The following GALNTL6 variants were observed in gnomAD, a reference collection of about 807,000 sequenced individuals.
GALNTL6 encodes polypeptide N-acetylgalactosaminyltransferase-like 6.
GALNTL6 carries 46 observed loss-of-function variants against 73.7 expected under a neutral mutation model. That is an observed-to-expected ratio of 0.62 (90% confidence interval 0.49 to 0.80). The LOEUF is 0.80. Among genes scored for constraint, GALNTL6 ranks in the 30% least tolerant of loss-of-function variants. GALNTL6 has a pLI of 0.00. For synonymous variants in GALNTL6, 259 were observed against 263.7 expected, an observed-to-expected ratio of 0.98 and a Z score of 0.17; for missense variants, 604 against 755.0, an observed-to-expected ratio of 0.80 and a Z score of 2.34.
At chr4:172,482,289 C>T (rs1004150404) in intron 5 of GALNTL6, among the ~76,000 whole-genome samples, 1 of 152,238 alleles carries the variant, frequency 6.6e-6, no homozygotes, top group African/African-American at 2.4e-5. Flanking sequence ...GGAGCTGGCT[C>T]CAGCCTCCGA....
At chr4:171,928,030 T>C (rs1003220709) in intron 2 of GALNTL6, among the ~76,000 whole-genome samples, 1 of 152,178 alleles carries the variant, frequency 6.6e-6, no homozygotes, top group Non-Finnish European at 1.5e-5. Context: ...AATGACTCAG[T>C]AGCCTCTCAA....
intron 5 of GALNTL6, among the ~76,000 whole-genome samples, chr4:172,360,588 C>A (rs1384283516): frequency 1.3e-5 from 2 of 152,122 alleles, no homozygotes; most frequent in African/African-American, 4.8e-5. Context: ...GACCACAGAA[C>A]TGATGATTGA....
At chr4:172,501,578 T>A (rs1381066369) in intron 5 of GALNTL6, among the ~76,000 whole-genome samples, 1 of 152,146 alleles carries the variant, frequency 6.6e-6, no homozygotes, top group East Asian at 1.9e-4. Flanking sequence ...ACACTGAAGT[T>A]GCTAAGTATG....
chr4:172,460,796 G>A (rs1732582282), intron 5 of GALNTL6, among the ~76,000 whole-genome samples: 1 of 152,200 alleles, frequency 6.6e-6, no homozygotes, highest in Non-Finnish European at 1.5e-5. Context: ...AACTATTGTG[G>A]AAGACAGTGT....
At chr4:171,980,435 G>T (rs1739861944) in intron 2 of GALNTL6, among the ~76,000 whole-genome samples, 1 of 152,134 alleles carries the variant, frequency 6.6e-6, no homozygotes, top group African/African-American at 2.4e-5. Context: ...TTAAAGAGGA[G>T]ATGGAGAAAT....
At chr4:172,732,094 G>A (rs1376459715) in intron 5 of GALNTL6, among the ~76,000 whole-genome samples, 3 of 151,972 alleles carry the variant, frequency 2.0e-5, no homozygotes, top group African/African-American at 7.2e-5. Flanking sequence ...TTTCCTTGTT[G>A]ATTTTGTGTC....
At chr4:171,988,633 C>T (rs922446179) in intron 2 of GALNTL6, among the ~76,000 whole-genome samples, 6 of 152,178 alleles carry the variant, frequency 3.9e-5, no homozygotes, top group South Asian at 2.1e-4. Flanking sequence ...AGATTCTGAA[C>T]TAACCTGTAA....
intron 3 of GALNTL6, among the ~76,000 whole-genome samples, chr4:172,257,548 G>C (rs942778433): frequency 1.3e-5 from 2 of 151,320 alleles, no homozygotes; most frequent in Admixed American, 1.3e-4. Flanking sequence ...CATAGGTTTT[G>C]AGTGGTCTTT....
intron 2 of GALNTL6, among the ~76,000 whole-genome samples, chr4:171,834,947 G>A (rs987262289): frequency 4.6e-5 from 7 of 151,962 alleles, no homozygotes; most frequent in African/African-American, 1.7e-4. Context: ...TTAGCCACAA[G>A]CCACAATATT....
intron 5 of GALNTL6, among the ~76,000 whole-genome samples, chr4:172,615,292 C>A (rs28409064): frequency 0.37 from 56,013 of 151,570 alleles, 11,399 homozygotes; most frequent in African/African-American, 0.52. Context: ...ACATTATATA[C>A]CTCTTATTGT....
chr4:172,615,189 TAA>T lies in GALNTL6; in HGVS notation c.554-194158_554-194157del, dbSNP rs34080019. On this transcript the variant is annotated intron_variant, in intron 5 of 12. Transcript: ENST00000506823. ...CATGCTGTTAATAAGGCAGGTAGTT[TAA>T]AAAAAAAAAAAAAGACTAGTCTAAT... Among the ~76,000 whole-genome samples the T allele has an allele frequency of 4.6e-4, 67 of 147,032 alleles. No individual in the cohort carries two copies. The East Asian group carries it at 8.7e-3, about 19-fold the overall frequency.
chr4:172,374,353 C>G (rs962933908), intron 5 of GALNTL6, among the ~76,000 whole-genome samples: 12 of 152,104 alleles, frequency 7.9e-5, no homozygotes, highest in African/African-American at 2.9e-4. Flanking sequence ...TTAATAATGC[C>G]TCCAAATTTT....
intron 2 of GALNTL6, among the ~76,000 whole-genome samples, chr4:171,917,811 A>G (rs57114629): frequency 0.019 from 2,820 of 152,216 alleles, 60 homozygotes; most frequent in African/African-American, 0.052. Context: ...AAGTGGAATT[A>G]CTGGCATGGT....
intron 2 of GALNTL6, among the ~76,000 whole-genome samples, chr4:172,101,507 C>T (rs1732519123): frequency 1.3e-5 from 2 of 152,138 alleles, no homozygotes. Flanking sequence ...TTACTGGTAT[C>T]TTATTTTGCA....
intron 5 of GALNTL6, among the ~76,000 whole-genome samples, chr4:172,477,118 G>T (rs959910197): frequency 6.6e-6 from 1 of 150,490 alleles, no homozygotes; most frequent in Non-Finnish European, 1.5e-5. Context: ...CTAGAGATGG[G>T]GTTTCACTGT....
At chr4:172,617,773 G>A (rs28478040) in intron 5 of GALNTL6, among the ~76,000 whole-genome samples, 55,007 of 151,990 alleles carry the variant, frequency 0.36, 10,998 homozygotes, top group African/African-American at 0.51. Context: ...GAGCCACCGT[G>A]CCCAGCCTTA....
intron 8 of GALNTL6, among the ~76,000 whole-genome samples, chr4:172,899,902 C>T (rs1432800509): frequency 6.6e-6 from 1 of 152,054 alleles, no homozygotes; most frequent in Non-Finnish European, 1.5e-5. Flanking sequence ...GGGAGTGTAG[C>T]GATGAGGACA....
chr4:171,855,203 C>A (rs1336526030), intron 2 of GALNTL6, among the ~76,000 whole-genome samples: 2 of 152,154 alleles, frequency 1.3e-5, no homozygotes, highest in Non-Finnish European at 2.9e-5. Flanking sequence ...TATAATGGCA[C>A]ATATTCACCC....
Position 172,621,407 on chromosome 4 carries a change from T to C in GALNTL6, c.554-187954T>C, listed in dbSNP as rs139402121. ...AGTAGCCTCAATTTTCTGAGACTTT[T>C]AAAGATTCTGCAGGTTAGTTCTTGT... On this transcript the variant is annotated intron_variant, in intron 5 of 12. Transcript: ENST00000506823. Among the ~76,000 whole-genome samples the C allele has an allele frequency of 8.6e-3, 1,313 of 152,278 alleles. 21 individuals carry two copies. The highest frequency in any genetic ancestry group is 0.03 in the African/African-American group (1,245 of 41,548).
Sources: allele counts gnomAD v4.1 joint callset (sites outside exome capture counted in the v4.1 genomes callset), GRCh38; gene constraint gnomAD v4.1.1; transcripts MANE v1.5; gene names NCBI Gene and HGNC (gene_info 2026-07-23, HGNC 2026-07-21).